The following LMBR1 variants were observed in gnomAD, a reference collection of about 807,000 sequenced individuals.
LMBR1 encodes the protein limb development membrane protein 1, also known as limb region 1 protein homolog.
Under a neutral mutation model 73.9 loss-of-function variants are expected in LMBR1, and 52 were observed. The observed-to-expected ratio is 0.70, with a 90% CI of 0.56 to 0.89. LMBR1 has a LOEUF of 0.89. Ranked by LOEUF, LMBR1 falls within the 40% of genes least tolerant of loss-of-function variation. LMBR1 has a pLI of 0.00. For missense variants in LMBR1, 539 were observed against 579.8 expected (o/e 0.93, Z 0.72); for synonymous variants, 215 against 209.4 (o/e 1.03, Z -0.23).
At chr7:156,808,863 A>G (rs1739985395) in intron 4 of LMBR1, among the ~76,000 whole-genome samples, 1 of 152,008 alleles carries the variant, frequency 6.6e-6, no homozygotes. Flanking sequence ...TTCTTAATAA[A>G]CTTGCTGTCA....
At chr7:156,887,000 C>T (rs571829981) in intron 1 of LMBR1, among the ~76,000 whole-genome samples, 8 of 152,220 alleles carry the variant, frequency 5.3e-5, no homozygotes, top group African/African-American at 1.7e-4. Context: ...AGAGGGTATA[C>T]TCAGTTAGCT....
chr7:156,807,244 T>C (rs1239793691), intron 4 of LMBR1, among the ~76,000 whole-genome samples: 1 of 152,220 alleles, frequency 6.6e-6, no homozygotes, highest in Non-Finnish European at 1.5e-5. Context: ...CTGACCTCAG[T>C]GAATTAGGAA....
At chr7:156,706,566 C>T (rs1216901280) in intron 15 of LMBR1, among the ~76,000 whole-genome samples, 1 of 151,756 alleles carries the variant, frequency 6.6e-6, no homozygotes, top group Non-Finnish European at 1.5e-5. Context: ...GAAATCAATA[C>T]CAAGAAGAAT....
intron 4 of LMBR1, chr7:156,822,714 T>TA (rs1446905994): frequency 6.6e-6 from 1 of 151,716 alleles, no homozygotes; most frequent in African/African-American, 2.4e-5. Flanking sequence ...GAAAAACATG[T>TA]AAAAAATTGA....
At chr7:156,723,018 T>C (rs1165510788) in intron 15 of LMBR1, among the ~76,000 whole-genome samples, 1 of 152,120 alleles carries the variant, frequency 6.6e-6, no homozygotes, top group Non-Finnish European at 1.5e-5. Context: ...GAGCATACTT[T>C]TGGCATTTTC....
rs1169588922 is a variant in LMBR1 at position 156,803,382 on chromosome 7, C to A, written c.320-6890G>T. Among the ~76,000 whole-genome samples, 7 of 152,018 alleles carry A rather than the reference C, an allele frequency of 4.6e-5. No individual in the cohort carries two copies. The East Asian group carries it at 1.4e-3, about 29-fold the overall frequency. On this transcript the variant is annotated intron_variant, in intron 4 of 16. Coordinates refer to ENST00000353442, the MANE Select transcript of LMBR1 (RefSeq NM_022458.4). ...TTCTCAAAAGAAGACATTTATGCAG[C>A]CAAAAAACACATGAAAAAATGCTCA...
rs1298503088 is a variant in LMBR1 at position 156,670,270 on chromosome 7, T to G, written n.867-983A>C. On this transcript the variant is annotated intron_variant and non_coding_transcript_variant, in intron 4 of 4. Coordinates refer to the LMBR1 transcript ENST00000430825. The surrounding 1 kb of genome is among the most constrained non-coding windows in gnomAD (Gnocchi z 4.3). ...CTAAGCACGGCTGGCTCTACTGTTT[T>G]GACTTTGGCTCTTGATACACACACA... Among the ~76,000 whole-genome samples the G allele has an allele frequency of 2.0e-5, 3 of 152,208 alleles. No individual in the cohort carries two copies. The highest frequency in any genetic ancestry group is 7.2e-5 in the African/African-American group (3 of 41,448).
At position 156,681,159 on chromosome 7, in the gene LMBR1, G is replaced by A; in HGVS notation, c.*2919C>T. 2.2e-6 allele frequency: 1 copy of A among 453,312 alleles called. No individual in the cohort carries two copies. 28.1% of individuals were successfully genotyped at this position (453,312 alleles called of 1,614,324 possible). Reference sequence around the variant, plus strand: ...CTACCAACAAAACTAGCACATAAGAGCCTGTAAATGATGAAAACCTGTGTC... The same window carrying A: ...CTACCAACAAAACTAGCACATAAGAACCTGTAAATGATGAAAACCTGTGTC... On this transcript the variant is annotated 3_prime_UTR_variant, in exon 17 of 17. Coordinates refer to ENST00000353442, the MANE Select transcript of LMBR1 (RefSeq NM_022458.4).
At chr7:156,790,500 AAG>A (rs1478469701) in intron 5 of LMBR1, among the ~76,000 whole-genome samples, 127 of 152,218 alleles carry the variant, frequency 8.3e-4, no homozygotes, top group East Asian at 1.7e-3. Flanking sequence ...TATGCAAATA[AAG>A]AGACAATCTA....
intron 7 of LMBR1, 42 bp from the exon 8 acceptor site, chr7:156,762,240 A>G (rs776101595): frequency 1.6e-6 from 2 of 1,268,514 alleles, no homozygotes; most frequent in East Asian, 2.3e-5. Flanking sequence ...GCGACATTAT[A>G]GAGCTTGGAG....
chr7:156,829,614 G>A (rs1172330663), intron 3 of LMBR1, among the ~76,000 whole-genome samples: 1 of 152,178 alleles, frequency 6.6e-6, no homozygotes, highest in Non-Finnish European at 1.5e-5. Context: ...AGTTTCAAGT[G>A]CTCCTTTATA....
chr7:156,695,475 T>G (rs919791795), intron 15 of LMBR1, among the ~76,000 whole-genome samples: 11 of 152,154 alleles, frequency 7.2e-5, no homozygotes, highest in Non-Finnish European at 1.6e-4. Context: ...AAGGAAACTT[T>G]CAATCATGGG....
rs544156286 is a variant in LMBR1 at position 156,702,323 on chromosome 7, G to A, written c.1226-14132C>T. Among the ~76,000 whole-genome samples, 3 of 152,316 alleles carry A rather than the reference G, an allele frequency of 2.0e-5. No homozygotes were observed. In the South Asian group the frequency reaches 6.2e-4, roughly 32 times the overall value. On this transcript the variant is annotated intron_variant, in intron 15 of 16. Transcript: ENST00000353442. The stretch of plus-strand genomic sequence containing the variant: ...CTTTTTAATAATTGCCCTTCTGACT[G>A]GCATGATATGGTATCTCATTGTGGT...
chr7:156,761,234 G>A (rs1474724437), intron 8 of LMBR1, among the ~76,000 whole-genome samples: 1 of 152,192 alleles, frequency 6.6e-6, no homozygotes, highest in Non-Finnish European at 1.5e-5. Context: ...GAGTTCATAG[G>A]CAGTGAGGAT....
At chr7:156,742,510 G>GA (rs1462482188) in intron 9 of LMBR1, among the ~76,000 whole-genome samples, 7 of 151,868 alleles carry the variant, frequency 4.6e-5, no homozygotes, top group East Asian at 3.9e-4. Flanking sequence ...GGAAAATCTA[G>GA]AAAAAAATGG....
chr7:156,745,222 C>T (rs78156978), intron 9 of LMBR1, among the ~76,000 whole-genome samples: 1,972 of 152,076 alleles, frequency 0.013, 23 homozygotes, highest in Non-Finnish European at 0.022. Flanking sequence ...TTTTTCTGTT[C>T]TAATGACATT....
At chr7:156,848,946 A>AAG in intron 1 of LMBR1, among the ~76,000 whole-genome samples, 1 of 149,634 alleles carries the variant, frequency 6.7e-6, no homozygotes, top group Admixed American at 6.7e-5. Flanking sequence ...AAAAAAAAAA[A>AAG]GCAAAACAAA....
At chr7:156,852,791 G>C (rs145647174) in intron 1 of LMBR1, among the ~76,000 whole-genome samples, 21 of 152,280 alleles carry the variant, frequency 1.4e-4, no homozygotes, top group African/African-American at 4.6e-4. Context: ...GCACAGAACA[G>C]ACCCGAACAA....
At position 156,670,872 on chromosome 7, in the gene LMBR1, C is replaced by T. The variant is rs1023711431; in HGVS notation, n.867-1585G>A. ...CATGAGGAAGGAAAATGGCCCCAGACGGGAAATCTGAGATGTCAGTGGTAA... is the reference window on the plus strand; with the variant it reads ...CATGAGGAAGGAAAATGGCCCCAGATGGGAAATCTGAGATGTCAGTGGTAA... On this transcript the variant is annotated intron_variant and non_coding_transcript_variant, in intron 4 of 4. Transcript: ENST00000430825. This position sits in a 1 kb window ranked among gnomAD's most constrained non-coding sequence, Gnocchi z 4.3. Among the ~76,000 whole-genome samples the T allele has an allele frequency of 4.6e-5, 7 of 152,264 alleles. No homozygotes were observed. The East Asian group carries it at 5.8e-4, about 13-fold the overall frequency.
Sources: gnomAD v4.1 joint callset for allele counts (sites outside exome capture counted in the v4.1 genomes callset) on GRCh38, gnomAD v4.1.1 for gene constraint, Gnocchi (gnomAD v3.1) non-coding constraint, MANE v1.5 for transcripts, NCBI Gene and HGNC (gene_info 2026-07-23, HGNC 2026-07-21) for gene names.